ANKRD17: variants seen among roughly 807,000 people sequenced by gnomAD.
ANKRD17 encodes the protein ankyrin repeat domain 17, also known as ankyrin repeat domain-containing protein 17.
In ANKRD17, 19 loss-of-function variants were observed where a neutral mutation model predicts 229.7. The observed-to-expected ratio is 0.08, with a 90% confidence interval of 0.06 to 0.12. The LOEUF is 0.12. Among genes scored for constraint, ANKRD17 ranks in the 10% least tolerant of loss-of-function variants. The pLI is 1.00. For synonymous variants in ANKRD17, 1,112 were observed against 1,146.1 expected (o/e 0.97, Z 0.60); for missense variants, 2,176 against 3,176.8 (o/e 0.68, Z 7.57).
In ANKRD17 at chr4:73,150,738, G is replaced by T. The variant is rs559911620; in HGVS notation, c.1329+692C>A. On this transcript the variant is annotated intron_variant, in intron 7 of 33. Transcript: ENST00000358602. ...TGGGGGCCCTTTCTACCGCTGGCCT[G>T]TTCTCCTCATAAATTTTTCTATGAT... Among the ~76,000 whole-genome samples the T allele has an allele frequency of 2.0e-5, 3 of 152,230 alleles. No homozygotes were observed. The South Asian group carries it at 6.2e-4, about 32-fold the overall frequency.
chr4:73,246,987 C>T (rs1191094309), intron 1 of ANKRD17, among the ~76,000 whole-genome samples: 1 of 152,024 alleles, frequency 6.6e-6, no homozygotes, highest in Admixed American at 6.5e-5. Context: ...TTTTACTAAA[C>T]AATAAATTTT....
At position 73,141,753 on chromosome 4, in the gene ANKRD17, T is replaced by A; in HGVS notation, c.2320A>T (p.Ile774Phe). The change falls in exon 14 of 34, where the codon ATC becomes TTC. Residue 774 changes from isoleucine to phenylalanine, a missense_variant. This residue lies in a region of ANKRD17 where 275 missense variants were observed against 386.9 expected (regional missense o/e 0.71). Transcript: ENST00000358602. ...PPANVATTLPIRNKAASKQKS... is the reference protein window; with the variant it reads ...PPANVATTLPFRNKAASKQKS... ...AAGTATAACTGACCTTTATTCCTGA[T>A]GGGAAGAGTGGTGGCAACATTGGCA... The A allele has an allele frequency of 6.2e-7, 1 of 1,613,522 alleles. No homozygotes were observed. Among genetic ancestry groups the A allele is most frequent in the South Asian group, 1.1e-5 (1 of 91,070 alleles).
intron 1 of ANKRD17, among the ~76,000 whole-genome samples, chr4:73,235,604 C>A (rs1011678744): frequency 1.3e-5 from 2 of 152,150 alleles, no homozygotes; most frequent in Non-Finnish European, 2.9e-5. Flanking sequence ...TGTACTAAAT[C>A]CACCATTTTT....
At position 73,074,586 on chromosome 4, in the gene ANKRD17, G is replaced by A. The variant is rs1426641610; in HGVS notation, c.*1645C>T. The A allele has an allele frequency of 2.0e-5, 3 of 151,776 alleles. No homozygotes were observed. The highest frequency in any genetic ancestry group is 7.2e-5 in the African/African-American group (3 of 41,386). The allele number at this position is 151,776 out of a possible 1,614,324, so 9.4% of individuals were successfully genotyped here. On this transcript the variant is annotated 3_prime_UTR_variant, in exon 34 of 34. Transcript: ENST00000358602. ...GTACTGTTTACAAATTTCTGGATAT[G>A]TTTGAGAAGTCATCTTTTTACTCTT...
chr4:73,079,634 G>C (rs1721350247), intron 30 of ANKRD17, among the ~76,000 whole-genome samples: 1 of 152,100 alleles, frequency 6.6e-6, no homozygotes, highest in Non-Finnish European at 1.5e-5. Flanking sequence ...CCAATAAGAG[G>C]ATCATTGCCT....
intron 6 of ANKRD17, among the ~76,000 whole-genome samples, chr4:73,152,007 C>T (rs925406510): frequency 2.0e-5 from 3 of 151,984 alleles, no homozygotes; most frequent in African/African-American, 7.2e-5. Context: ...TAAAAATATT[C>T]TTCAAACCAC....
chr4:73,147,649 G>A (rs1204616377), intron 8 of ANKRD17, among the ~76,000 whole-genome samples: 2 of 152,024 alleles, frequency 1.3e-5, no homozygotes, highest in Non-Finnish European at 1.5e-5. Flanking sequence ...CACAGCTGGA[G>A]TAATATTTAC....
At chr4:73,184,125 T>C (rs1439345022) in intron 1 of ANKRD17, among the ~76,000 whole-genome samples, 2 of 152,202 alleles carry the variant, frequency 1.3e-5, no homozygotes, top group African/African-American at 2.4e-5. Context: ...CTGTCATCGT[T>C]AGCATTACAT....
chr4:73,220,697 G>GA (rs1177201478), intron 1 of ANKRD17, among the ~76,000 whole-genome samples: 1 of 151,710 alleles, frequency 6.6e-6, no homozygotes, highest in Non-Finnish European at 1.5e-5. Flanking sequence ...ACAAAGACAG[G>GA]AAAAAAAGAG....
At chr4:73,089,212 A>G (rs975846611) in intron 29 of ANKRD17, among the ~76,000 whole-genome samples, 1 of 151,604 alleles carries the variant, frequency 6.6e-6, no homozygotes, top group African/African-American at 2.4e-5. Context: ...TAATTTTTAT[A>G]TTTTTGTAGA....
chr4:73,258,487 AGCAGGTCGCAGACTC>A lies in ANKRD17; in HGVS notation c.167_181del (p.Arg56_Leu60del). 2 of 1,575,986 alleles carry A rather than the reference AGCAGGTCGCAGACTC, an allele frequency of 1.3e-6. No individual in the cohort carries two copies. The highest frequency in any genetic ancestry group is 2.7e-5 in the African/African-American group (2 of 73,968). ...CTGCTGCGGCGGCTTCTTCTTCAGGAGCAGGTCGCAGACTCGCACCATCCCACGAGGAGACGAGGC... is the reference window on the plus strand; with the variant it reads ...CTGCTGCGGCGGCTTCTTCTTCAGGAGCACCATCCCACGAGGAGACGAGGC... On this transcript the variant is annotated inframe_deletion, in exon 1 of 34. Coordinates refer to ENST00000358602, the MANE Select transcript of ANKRD17 (RefSeq NM_032217.5).
intron 1 of ANKRD17, among the ~76,000 whole-genome samples, chr4:73,203,758 CAA>C (rs67020753): frequency 0.016 from 1,282 of 82,116 alleles, 6 homozygotes; most frequent in African/African-American, 0.051. Context: ...GACTCCGTCT[CAA>C]AAAAAAAAAA....
At position 73,075,904 on chromosome 4, in the gene ANKRD17, C is replaced by T. The variant is rs547266388; in HGVS notation, c.*327G>A. The T allele has an allele frequency of 2.4e-5, 5 of 209,132 alleles. No homozygotes were observed. The highest frequency in any genetic ancestry group is 1.2e-4 in the Admixed American group (2 of 17,028). 13.0% of individuals were successfully genotyped at this position (209,132 alleles called of 1,614,324 possible). A position where few individuals can be genotyped will look rare whatever the true frequency, so the allele number is the denominator to read the frequency against. On this transcript the variant is annotated 3_prime_UTR_variant, in exon 34 of 34. Coordinates refer to ENST00000358602, the MANE Select transcript of ANKRD17 (RefSeq NM_032217.5). ...AGTTTACATAATTTTGCTAAATTTC[C>T]GTGTTTGCTCAGAAGCAGTTTACAG...
At chr4:73,158,072 C>T (rs1266046581) in intron 3 of ANKRD17, among the ~76,000 whole-genome samples, 1 of 148,798 alleles carries the variant, frequency 6.7e-6, no homozygotes, top group East Asian at 2.0e-4. Context: ...GTCTGTGTGA[C>T]AGAGTGAGAC....
chr4:73,257,320 C>T (rs1162037619), intron 1 of ANKRD17, among the ~76,000 whole-genome samples: 1 of 152,164 alleles, frequency 6.6e-6, no homozygotes, highest in African/African-American at 2.4e-5. Flanking sequence ...GTAAGGGCTT[C>T]TGTGAGGAAT....
rs553525559 is a variant in ANKRD17, at chr4:73,107,503, A to G, written c.4402-4956T>C. ...ATACATTATAGTTTGTTAAAAGGTG[A>G]TAAGTGCAATGTAAAAAAGGGGAAA... is the stretch of plus-strand genomic sequence containing the variant. On this transcript the variant is annotated intron_variant, in intron 24 of 33. Coordinates refer to ENST00000358602, the MANE Select transcript of ANKRD17 (RefSeq NM_032217.5). Among the ~76,000 whole-genome samples, 7 of 152,348 alleles carry G rather than the reference A, an allele frequency of 4.6e-5. No individual in the cohort carries two copies. The East Asian group carries it at 1.4e-3, about 29-fold the overall frequency.
chr4:73,233,307 T>C (rs1423938858), intron 1 of ANKRD17, among the ~76,000 whole-genome samples: 2 of 152,160 alleles, frequency 1.3e-5, no homozygotes, highest in Non-Finnish European at 2.9e-5. Flanking sequence ...CTCCATCTCC[T>C]AAATTTATAG....
intron 2 of ANKRD17, among the ~76,000 whole-genome samples, chr4:73,177,052 T>C (rs1026682377): frequency 6.6e-6 from 1 of 152,216 alleles, no homozygotes; most frequent in Non-Finnish European, 1.5e-5. Context: ...TACATGCCTA[T>C]GAAAGACCGC....
chr4:73,185,488 A>ACTT (rs1736171896), intron 1 of ANKRD17, among the ~76,000 whole-genome samples: 5 of 152,130 alleles, frequency 3.3e-5, no homozygotes, highest in Admixed American at 3.3e-4. Context: ...ATCTTCAGTC[A>ACTT]AAAATTTACC....
Sources: allele counts gnomAD v4.1 joint callset (sites outside exome capture counted in the v4.1 genomes callset), GRCh38; gene constraint gnomAD v4.1.1; regional missense constraint gnomAD v4.1.1; transcripts MANE v1.5; gene names NCBI Gene and HGNC (gene_info 2026-07-23, HGNC 2026-07-21).